Variants in PRKCE observed in about 807,000 individuals in gnomAD.
The protein encoded by PRKCE is protein kinase C epsilon.
In PRKCE, 16 loss-of-function variants were observed where a neutral mutation model predicts 85.4. The observed-to-expected ratio is 0.19, with a 90% CI of 0.13 to 0.28. The LOEUF (loss-of-function observed/expected upper bound fraction) is 0.28, where lower values mean the gene tolerates loss of function less well. Ranked by LOEUF, PRKCE falls within the 10% of genes least tolerant of loss-of-function variation. The pLI is 1.00. For missense variants in PRKCE, 573 were observed against 975.2 expected, an observed-to-expected ratio of 0.59 and a Z score of 5.49; for synonymous variants, 388 against 371.5, an observed-to-expected ratio of 1.04 and a Z score of -0.51.
intron 2 of PRKCE, among the ~76,000 whole-genome samples, chr2:45,888,610 C>A (rs1267999638): frequency 2.0e-5 from 3 of 151,868 alleles, no homozygotes; most frequent in Non-Finnish European, 4.4e-5. Flanking sequence ...GCCACCATGC[C>A]TAGCTAATTT....
At chr2:46,069,118 A>C (rs1667862733) in intron 10 of PRKCE, among the ~76,000 whole-genome samples, 1 of 152,216 alleles carries the variant, frequency 6.6e-6, no homozygotes, top group South Asian at 2.1e-4. Context: ...AGATGCTTTG[A>C]AGAATCATTG....
intron 14 of PRKCE, chr2:46,166,846 C>G (rs1678390341): frequency 6.6e-6 from 1 of 152,106 alleles, no homozygotes. Flanking sequence ...CAAAAAGTAG[C>G]CAGGCGTGGT....
At chr2:45,832,807 G>A (rs990630342) in intron 1 of PRKCE, among the ~76,000 whole-genome samples, 5 of 152,134 alleles carry the variant, frequency 3.3e-5, no homozygotes, top group South Asian at 2.1e-4. Context: ...GTGAGGATGC[G>A]CGCAAGTTAT....
chr2:46,070,655 A>G (rs1668008330), intron 10 of PRKCE, among the ~76,000 whole-genome samples: 1 of 152,166 alleles, frequency 6.6e-6, no homozygotes, highest in Admixed American at 6.5e-5. Context: ...AAAAAAAACA[A>G]AAACAAAAAC....
intron 1 of PRKCE, among the ~76,000 whole-genome samples, chr2:45,829,031 T>A (rs922197353): frequency 2.6e-5 from 4 of 152,174 alleles, no homozygotes; most frequent in African/African-American, 9.6e-5. Flanking sequence ...AACAAGTTTT[T>A]TTTTTCATGA....
intron 11 of PRKCE, among the ~76,000 whole-genome samples, chr2:46,127,455 A>G (rs1340544607): frequency 2.0e-5 from 3 of 152,200 alleles, no homozygotes; most frequent in Non-Finnish European, 4.4e-5. Flanking sequence ...TTCATCCAGT[A>G]GCTAATTTTT....
At chr2:45,997,006 C>T (rs1164825762) in intron 6 of PRKCE, among the ~76,000 whole-genome samples, 1 of 151,994 alleles carries the variant, frequency 6.6e-6, no homozygotes, top group Non-Finnish European at 1.5e-5. Context: ...CAAGATAAGC[C>T]TGTTTGTACT....
intron 2 of PRKCE, among the ~76,000 whole-genome samples, chr2:45,968,185 C>G (rs1256621136): frequency 2.0e-5 from 3 of 152,122 alleles, no homozygotes; most frequent in African/African-American, 7.2e-5. Flanking sequence ...TAGCGATTCA[C>G]AACTGCAAAG....
intron 1 of PRKCE, among the ~76,000 whole-genome samples, chr2:45,831,035 G>A (rs541538371): frequency 5.1e-4 from 78 of 152,354 alleles, no homozygotes; most frequent in Admixed American, 1.2e-3. Flanking sequence ...ACCAGAGAGC[G>A]TCAGCTCAGA....
chr2:45,797,431 T>C (rs1186016067), intron 1 of PRKCE, among the ~76,000 whole-genome samples: 4 of 152,234 alleles, frequency 2.6e-5, no homozygotes, highest in Admixed American at 2.0e-4. Flanking sequence ...CCCAGTTCCA[T>C]GGTGCACCAC....
At position 45,817,464 on chromosome 2, in the gene PRKCE, A is replaced by T. The variant is rs192223502; in HGVS notation, c.349-25536A>T. 3.0e-3 allele frequency among the ~76,000 whole-genome samples: 461 copies of T among 152,122 alleles called. 3 individuals are homozygous for T. Among genetic ancestry groups the T allele is most frequent in the African/African-American group, 0.011 (440 of 41,506 alleles). Reference sequence around the variant, plus strand: ...ATCCCATCACTTTGGGAGGCTGAGGAGGGCGAATCACGAGGTCAGGAGATC... The same window carrying T: ...ATCCCATCACTTTGGGAGGCTGAGGTGGGCGAATCACGAGGTCAGGAGATC... On this transcript the variant is annotated intron_variant, in intron 1 of 14. Transcript: ENST00000306156.
At chr2:46,023,094 A>AAAAAAAAAAAG (rs1301197973) in intron 10 of PRKCE, among the ~76,000 whole-genome samples, 2 of 150,516 alleles carry the variant, frequency 1.3e-5, no homozygotes, top group Non-Finnish European at 3.0e-5. Flanking sequence ...CGTCTCAAAA[A>AAAAAAAAAAAG]AAAAAAAAAA....
intron 1 of PRKCE, among the ~76,000 whole-genome samples, chr2:45,813,131 C>T (rs1413987844): frequency 6.6e-6 from 1 of 152,160 alleles, no homozygotes; most frequent in Non-Finnish European, 1.5e-5. Flanking sequence ...GGCAAAACTG[C>T]AGGGAATTCT....
intron 1 of PRKCE, among the ~76,000 whole-genome samples, chr2:45,831,340 C>T (rs1447984641): frequency 1.3e-5 from 2 of 152,168 alleles, no homozygotes; most frequent in African/African-American, 2.4e-5. Context: ...GGTTAGAGAA[C>T]AGAATGTCAG....
At chr2:46,151,683 C>T (rs1389125576) in intron 13 of PRKCE, among the ~76,000 whole-genome samples, 1 of 152,216 alleles carries the variant, frequency 6.6e-6, no homozygotes, top group Non-Finnish European at 1.5e-5. Context: ...GCACCGCCCA[C>T]CTGTGTCCAC....
intron 2 of PRKCE, among the ~76,000 whole-genome samples, chr2:45,938,955 C>A (rs1261362693): frequency 6.6e-6 from 1 of 152,112 alleles, no homozygotes; most frequent in African/African-American, 2.4e-5. Flanking sequence ...TGGAGTCTTG[C>A]GGCTGAGTCA....
chr2:45,919,428 T>C (rs528495430), intron 2 of PRKCE, among the ~76,000 whole-genome samples: 6 of 152,392 alleles, frequency 3.9e-5, no homozygotes, highest in African/African-American at 1.4e-4. Flanking sequence ...ATTTGCCTTC[T>C]GCCCTCTGGC....
At chr2:45,938,528 A>T (rs973614902) in intron 2 of PRKCE, among the ~76,000 whole-genome samples, 1 of 152,070 alleles carries the variant, frequency 6.6e-6, no homozygotes, top group Non-Finnish European at 1.5e-5. Flanking sequence ...CCCTTTCAAC[A>T]TTTCAGCGCC....
chr2:45,682,917 T>C (rs552727552), intron 1 of PRKCE, among the ~76,000 whole-genome samples: 1 of 152,282 alleles, frequency 6.6e-6, no homozygotes, highest in South Asian at 2.1e-4. Flanking sequence ...GTTCCTGGCA[T>C]ATAGTAGGCA....
Sources: gnomAD v4.1 joint callset for allele counts (sites outside exome capture counted in the v4.1 genomes callset) on GRCh38, gnomAD v4.1.1 for gene constraint, MANE v1.5 for transcripts, NCBI Gene and HGNC (gene_info 2026-07-23, HGNC 2026-07-21) for gene names.